Variants in GKAP1 observed in about 807,000 individuals in gnomAD.
GKAP1 encodes G kinase-anchoring protein 1.
Under a neutral mutation model 56.7 loss-of-function variants are expected in GKAP1, and 31 were observed. The observed-to-expected ratio is 0.55, with a 90% confidence interval of 0.41 to 0.74. The LOEUF (loss-of-function observed/expected upper bound fraction) is 0.74. GKAP1 is among the 30% of genes least tolerant of loss of function. GKAP1 has a pLI of 0.00. For missense variants in GKAP1, 364 were observed against 402.3 expected, an observed-to-expected ratio of 0.90 and a Z score of 0.82; for synonymous variants, 151 against 138.6, an observed-to-expected ratio of 1.09 and a Z score of -0.63.
rs141454626 is a variant in GKAP1 at position 83,812,201 on chromosome 9, A to G, written c.-44+4795T>C. ...TATATAAATATATATATACACATAT[A>G]TATACACATACATACATACACACAC... On this transcript the variant is annotated intron_variant, in intron 2 of 12. Coordinates refer to ENST00000376371, the MANE Select transcript of GKAP1 (RefSeq NM_025211.4). 2.3e-3 allele frequency among the ~76,000 whole-genome samples: 343 copies of G among 149,906 alleles called. 2 individuals carry two copies. The highest frequency in any genetic ancestry group is 8.1e-3 in the African/African-American group (329 of 40,752).
intron 10 of GKAP1, 116 bp from the exon 11 acceptor site, chr9:83,742,716 T>TA (rs1444101009): frequency 7.1e-6 from 4 of 567,268 alleles, no homozygotes; most frequent in Non-Finnish European, 1.3e-5. Context: ...TTGTCATACT[T>TA]AAAGAATCTA....
chr9:83,750,385 G>A (rs1164719767), intron 9 of GKAP1, among the ~76,000 whole-genome samples: 1 of 152,074 alleles, frequency 6.6e-6, no homozygotes, highest in East Asian at 1.9e-4. Flanking sequence ...CATTTAAAAC[G>A]CAACATATCC....
At chr9:83,773,607 A>C (rs562517676) in intron 7 of GKAP1, among the ~76,000 whole-genome samples, 1 of 152,142 alleles carries the variant, frequency 6.6e-6, no homozygotes, top group Non-Finnish European at 1.5e-5. Context: ...GCCCATCTAT[A>C]TACTCTTCCC....
intron 3 of GKAP1, among the ~76,000 whole-genome samples, chr9:83,804,359 C>A (rs1457174550): frequency 2.5e-5 from 3 of 118,848 alleles, no homozygotes; most frequent in East Asian, 2.6e-4. Context: ...GGGGGTCAGC[C>A]CCCCGCCCGG....
intron 10 of GKAP1, among the ~76,000 whole-genome samples, chr9:83,743,086 T>A (rs1366224301): frequency 6.6e-6 from 1 of 152,050 alleles, no homozygotes; most frequent in Non-Finnish European, 1.5e-5. Flanking sequence ...TCCCTTCAAC[T>A]GGGGAGGTGG....
intron 12 of GKAP1, among the ~76,000 whole-genome samples, chr9:83,740,420 CATT>C (rs920376341): frequency 6.6e-6 from 1 of 152,028 alleles, no homozygotes; most frequent in African/African-American, 2.4e-5. Context: ...AAAAAACATT[CATT>C]ATAGAAATAT....
chr9:83,780,398 A>G lies in GKAP1; in HGVS notation c.569T>C (p.Ile190Thr). Residue 190 changes from isoleucine to threonine, a missense_variant, in exon 7 of 13, where the codon ATT becomes ACT. By Grantham distance (89) the Ile-to-Thr change is moderately conservative. Transcript: ENST00000376371. The part of the protein sequence containing the change: ...SLKDFHSEDH[I>T]SKKTEELSSS... ...AAGACTTACCTCAGTCTTTTTACTAATGTGATCTGTAAATGAAAAAGAAAC... is the reference window on the plus strand; with the variant it reads ...AAGACTTACCTCAGTCTTTTTACTAGTGTGATCTGTAAATGAAAAAGAAAC... 1 of 1,229,890 alleles carries G rather than the reference A, an allele frequency of 8.1e-7. No homozygotes were observed. The highest frequency in any genetic ancestry group is 1.1e-6 in the Non-Finnish European group (1 of 907,876). The allele number at this position is 1,229,890 out of a possible 1,614,324, so 76.2% of individuals were successfully genotyped here.
intron 3 of GKAP1, among the ~76,000 whole-genome samples, chr9:83,802,370 T>C (rs992997232): frequency 1.6e-5 from 2 of 125,046 alleles, no homozygotes; most frequent in Non-Finnish European, 3.4e-5. Flanking sequence ...TCCCAGCTAC[T>C]CGAGAGGCTG....
At chr9:83,767,100 A>G (rs1943676645) in intron 8 of GKAP1, among the ~76,000 whole-genome samples, 1 of 152,216 alleles carries the variant, frequency 6.6e-6, no homozygotes, top group South Asian at 2.1e-4. Flanking sequence ...AAATAAATGC[A>G]GACATAGAGG....
At chr9:83,797,186 G>A (rs1564210202) in intron 4 of GKAP1, among the ~76,000 whole-genome samples, 1 of 152,152 alleles carries the variant, frequency 6.6e-6, no homozygotes. Context: ...TATCTATATG[G>A]TGATTTAGGA....
chr9:83,742,178 C>T, intron 11 of GKAP1, 149 bp from the exon 12 acceptor site: 3 of 651,806 alleles, frequency 4.6e-6, no homozygotes, highest in Non-Finnish European at 8.0e-6. Context: ...GTATTGTACA[C>T]AGCTCTATGT....
chr9:83,814,189 T>C (rs376847144), intron 2 of GKAP1, among the ~76,000 whole-genome samples: 111 of 152,272 alleles, frequency 7.3e-4, no homozygotes, highest in Non-Finnish European at 1.3e-3. Context: ...AAAAAGCCAA[T>C]TATTTGACTT....
In GKAP1 at chr9:83,804,752, C is replaced by T. The variant is rs555110722; in HGVS notation, c.216+1550G>A. Among the ~76,000 whole-genome samples the T allele has an allele frequency of 3.0e-3, 441 of 149,170 alleles. 2 individuals are homozygous for T. The highest frequency in any genetic ancestry group is 1.0e-2 in the African/African-American group (404 of 40,526). On this transcript the variant is annotated intron_variant, in intron 3 of 12. Transcript: ENST00000376371. ...CAGCCCCCCGCCGGGCCAGCCACCC[C>T]GTCCGGGAGGTGAGGGGCGCCTCTG... is the stretch of plus-strand genomic sequence containing the variant.
chr9:83,760,005 T>C (rs1212700165), intron 8 of GKAP1, among the ~76,000 whole-genome samples: 3 of 152,310 alleles, frequency 2.0e-5, no homozygotes, highest in Admixed American at 2.0e-4. Flanking sequence ...ATTAAACTGG[T>C]TTATACTTCA....
chr9:83,792,497 C>T (rs112927595), intron 4 of GKAP1, among the ~76,000 whole-genome samples: 16 of 152,036 alleles, frequency 1.1e-4, no homozygotes, highest in East Asian at 7.7e-4. Context: ...AATGTAGCAG[C>T]GCAGAAAATA....
At chr9:83,773,932 TAACA>T (rs1564198827) in intron 7 of GKAP1, among the ~76,000 whole-genome samples, 2 of 152,200 alleles carry the variant, frequency 1.3e-5, no homozygotes, top group Non-Finnish European at 2.9e-5. Context: ...TCATCATACC[TAACA>T]AAAATCATAT....
intron 2 of GKAP1, among the ~76,000 whole-genome samples, chr9:83,815,545 A>G (rs1264104877): frequency 3.3e-5 from 5 of 152,054 alleles, no homozygotes; most frequent in Non-Finnish European, 5.9e-5. Flanking sequence ...ATCTCAGTCC[A>G]GAAGACCACA....
chr9:83,784,703 T>C lies in GKAP1; in HGVS notation c.562+12A>G. The C allele has an allele frequency of 6.4e-7, 1 of 1,561,124 alleles. No individual in the cohort carries two copies. The highest frequency in any genetic ancestry group is 8.7e-7 in the Non-Finnish European group (1 of 1,150,042). ...TAGTTCTTTTAGCATAATAGCATTG[T>C]ATATACATTACCTTCCGAATGAAAA... On this transcript the variant is annotated intron_variant, in intron 6 of 12. Coordinates refer to ENST00000376371, the MANE Select transcript of GKAP1 (RefSeq NM_025211.4).
In GKAP1 at chr9:83,779,502, C is replaced by CGTGT. The variant is rs1564201618; in HGVS notation, c.585+879_585+880insACAC. 5.1e-5 allele frequency among the ~76,000 whole-genome samples: 6 copies of CGTGT among 118,006 alleles called. No individual in the cohort carries two copies. The East Asian group carries it at 1.1e-3, about 22-fold the overall frequency. The allele number at this position is 118,006 out of a possible 152,430, so 77.4% of individuals were successfully genotyped here. Reference sequence around the variant, plus strand: ...ATACATACATATATACACATATACACATATATGTGTATATATATACACGTG... The same window carrying CGTGT: ...ATACATACATATATACACATATACACGTGTATATATGTGTATATATATACACGTG... On this transcript the variant is annotated intron_variant, in intron 7 of 12. Transcript: ENST00000376371.
Sources: gnomAD v4.1 joint callset for allele counts (sites outside exome capture counted in the v4.1 genomes callset) on GRCh38, gnomAD v4.1.1 for gene constraint, MANE v1.5 for transcripts, NCBI Gene and HGNC (gene_info 2026-07-23, HGNC 2026-07-21) for gene names.